CDH7: variants seen among roughly 807,000 people sequenced by gnomAD.
CDH7 encodes the protein cadherin 7.
CDH7 carries 25 observed loss-of-function variants against 71.8 expected under a neutral mutation model. The observed-to-expected ratio is 0.35, with a 90% CI of 0.25 to 0.49. The LOEUF (loss-of-function observed/expected upper bound fraction) is 0.49, where lower values mean the gene tolerates loss of function less well. Among genes scored for constraint, CDH7 ranks in the 20% least tolerant of loss-of-function variants. CDH7 has a pLI of 0.99. For missense variants in CDH7, 862 were observed against 974.6 expected (o/e 0.88, Z 1.54); for synonymous variants, 381 against 363.8 (o/e 1.05, Z -0.54).
chr18:65,804,696 A>G (rs1911248441), intron 2 of CDH7, among the ~76,000 whole-genome samples: 1 of 50,420 alleles, frequency 2.0e-5, no homozygotes. Context: ...CTCCCTTAAC[A>G]CACGTGTGTG....
chr18:65,867,193 G>A (rs1053914201), intron 11 of CDH7, among the ~76,000 whole-genome samples: 15 of 151,944 alleles, frequency 9.9e-5, no homozygotes, highest in Admixed American at 4.6e-4. Context: ...CTGCCACCAC[G>A]CCCGGCTAAT....
Position 65,859,800 on chromosome 18 carries a change from CAA to C in CDH7, c.1588_1589del (p.Asn530LeufsTer6), listed in dbSNP as rs1344656101. The C allele has an allele frequency of 1.9e-6, 3 of 1,600,592 alleles. No homozygotes were observed. ...TAACAACGGATGCAACAAATAACCACAACTTTTCATTGAAAGATAACAAAGGT... is the reference window on the plus strand; with the variant it reads ...TAACAACGGATGCAACAAATAACCACCTTTTCATTGAAAGATAACAAAGGT... ...SLTTDATNNH[N>X]FSLKDNKDNT... On this transcript the variant is annotated frameshift_variant, in exon 10 of 12. Coordinates refer to ENST00000397968, the MANE Select transcript of CDH7 (RefSeq NM_004361.5). LOFTEE classifies it high-confidence loss of function.
intron 11 of CDH7, among the ~76,000 whole-genome samples, chr18:65,873,903 T>C (rs556241093): frequency 2.6e-5 from 4 of 152,340 alleles, no homozygotes; most frequent in African/African-American, 7.2e-5. Flanking sequence ...TTTAATTCAT[T>C]CTATAATATT....
At position 65,844,485 on chromosome 18, in the gene CDH7, T is replaced by C. The variant is rs558155990; in HGVS notation, c.1235+420T>C. Reference sequence around the variant, plus strand: ...ATTTCTAAACAAATCATTTTATTGATATTGGTCTACTTGAACAGTATATAT... The same window carrying C: ...ATTTCTAAACAAATCATTTTATTGACATTGGTCTACTTGAACAGTATATAT... On this transcript the variant is annotated intron_variant, in intron 7 of 11. Transcript: ENST00000397968. Among the ~76,000 whole-genome samples the C allele has an allele frequency of 2.6e-5, 4 of 152,182 alleles. No individual in the cohort carries two copies. In the East Asian group the frequency reaches 7.7e-4, roughly 29 times the overall value.
At chr18:65,812,528 T>C (rs1911581014) in intron 3 of CDH7, among the ~76,000 whole-genome samples, 1 of 152,260 alleles carries the variant, frequency 6.6e-6, no homozygotes, top group Non-Finnish European at 1.5e-5. Context: ...AATAGTATGA[T>C]ATAGACCATG....
chr18:65,788,452 AAAAG>A (rs1425945108), intron 2 of CDH7, among the ~76,000 whole-genome samples: 2 of 152,244 alleles, frequency 1.3e-5, no homozygotes, highest in African/African-American at 4.8e-5. Context: ...GAGAGAAAGA[AAAAG>A]AAAGACCCTA....
At chr18:65,752,992 C>T (rs1915927608) in intron 1 of CDH7, among the ~76,000 whole-genome samples, 2 of 152,182 alleles carry the variant, frequency 1.3e-5, no homozygotes, top group African/African-American at 4.8e-5. Flanking sequence ...TTTAATAGCA[C>T]AGAGCTTTTT....
rs1568239106 is a variant in CDH7 at position 65,887,709 on chromosome 18, G to A, written c.*6815G>A. Reference sequence around the variant, plus strand: ...ATGACTTTTAAATATTTTCTTTTTAGCTTTTAAGATGTCTATTAGATCCAA... The same window carrying A: ...ATGACTTTTAAATATTTTCTTTTTAACTTTTAAGATGTCTATTAGATCCAA... On this transcript the variant is annotated 3_prime_UTR_variant, in exon 12 of 12. Coordinates refer to ENST00000397968, the MANE Select transcript of CDH7 (RefSeq NM_004361.5). 1 of 151,998 alleles carries A rather than the reference G, an allele frequency of 6.6e-6. No homozygotes were observed. The highest frequency in any genetic ancestry group is 1.9e-4 in the East Asian group (1 of 5,180). 9.4% of individuals were successfully genotyped at this position (151,998 alleles called of 1,614,324 possible).
intron 3 of CDH7, among the ~76,000 whole-genome samples, chr18:65,813,206 C>T (rs372621937): frequency 1.4e-4 from 22 of 152,294 alleles, no homozygotes; most frequent in African/African-American, 5.3e-4. Context: ...GTGGCGCATG[C>T]CTGTAATCCC....
At chr18:65,835,364 C>T (rs1242612457) in intron 6 of CDH7, among the ~76,000 whole-genome samples, 2 of 152,132 alleles carry the variant, frequency 1.3e-5, no homozygotes, top group Non-Finnish European at 2.9e-5. Flanking sequence ...CAGCGCTGCT[C>T]CAGAGAGACT....
At chr18:65,878,489 CATGTACCTTGAGA>C (rs1237690765) in intron 11 of CDH7, among the ~76,000 whole-genome samples, 2 of 152,170 alleles carry the variant, frequency 1.3e-5, no homozygotes, top group Non-Finnish European at 2.9e-5. Flanking sequence ...AGCATTCTGT[CATGTACCTTGAGA>C]ACTACAAGGC....
chr18:65,849,439 T>C (rs1331007329), intron 7 of CDH7, among the ~76,000 whole-genome samples: 1 of 147,998 alleles, frequency 6.8e-6, no homozygotes, highest in African/African-American at 2.5e-5. Flanking sequence ...TTTTCTTTCC[T>C]TTTCTTTTCT....
chr18:65,806,233 TTATCATGAGC>T (rs1911315318), intron 2 of CDH7, among the ~76,000 whole-genome samples: 1 of 152,246 alleles, frequency 6.6e-6, no homozygotes, highest in African/African-American at 2.4e-5. Flanking sequence ...ATTTTTTGCC[TTATCATGAGC>T]TAGATTCAGC....
At chr18:65,846,355 C>T (rs1253979604) in intron 7 of CDH7, among the ~76,000 whole-genome samples, 6 of 152,194 alleles carry the variant, frequency 3.9e-5, no homozygotes, top group African/African-American at 1.2e-4. Flanking sequence ...AAAGTAATGA[C>T]GGTGACCTGA....
At chr18:65,840,633 G>A (rs112804525) in intron 6 of CDH7, among the ~76,000 whole-genome samples, 37,809 of 151,798 alleles carry the variant, frequency 0.25, 5,078 homozygotes, top group Non-Finnish European at 0.32. Context: ...TTATAAGGGG[G>A]AGTTTCACTG....
At chr18:65,814,639 T>G in intron 4 of CDH7, 35 bp downstream of exon 4, 1 of 1,579,052 alleles carries the variant, frequency 6.3e-7, no homozygotes. Flanking sequence ...TGTAAAGTCA[T>G]CATTTGTTTG....
rs1914342403 is a variant in CDH7 at position 65,885,372 on chromosome 18, G to GTTTTTGTTTTTTTTTTTTTTTT, written c.*4483_*4484insGTTTTTTTTTTTTTTTTTTTTT. ...GTAACTGAAAAGGATGTGTGCCTGT[G>GTTTTTGTTTTTTTTTTTTTTTT]TTTTTTTTTTTTTTTTTTTTTTTGA... On this transcript the variant is annotated 3_prime_UTR_variant, in exon 12 of 12. Transcript: ENST00000397968. 1.4e-5 allele frequency: 1 copy of GTTTTTGTTTTTTTTTTTTTTTT among 69,436 alleles called. No individual in the cohort carries two copies. The highest frequency in any genetic ancestry group is 2.7e-5 in the Non-Finnish European group (1 of 37,390). 4.3% of individuals were successfully genotyped at this position (69,436 alleles called of 1,614,324 possible).
intron 2 of CDH7, among the ~76,000 whole-genome samples, chr18:65,786,135 T>C (rs1354963918): frequency 6.6e-6 from 1 of 152,148 alleles, no homozygotes; most frequent in Non-Finnish European, 1.5e-5. Context: ...TACCGTATTA[T>C]TTAACATATT....
intron 6 of CDH7, among the ~76,000 whole-genome samples, chr18:65,842,729 C>G (rs975428738): frequency 6.6e-6 from 1 of 151,960 alleles, no homozygotes; most frequent in African/African-American, 2.4e-5. Flanking sequence ...CCCAAACATA[C>G]AGTGAATGAA....
Sources: gnomAD v4.1 joint callset for allele counts (sites outside exome capture counted in the v4.1 genomes callset) on GRCh38, gnomAD v4.1.1 for gene constraint, MANE v1.5 for transcripts, NCBI Gene and HGNC (gene_info 2026-07-23, HGNC 2026-07-21) for gene names.